Variants in STPG2 observed in about 807,000 individuals in gnomAD.
STPG2 encodes the protein sperm-tail PG-rich repeat-containing protein 2.
A neutral mutation model predicts 54.2 loss-of-function variants in STPG2; 56 were observed. The ratio of observed to expected loss-of-function variants is 1.03; its 90% CI spans 0.83 to 1.29. The LOEUF is 1.29. STPG2 is among the 50% of genes most tolerant of loss of function. STPG2 has a pLI of 0.00. For missense variants in STPG2, 596 were observed against 544.9 expected, an observed-to-expected ratio of 1.09 and a Z score of -0.93; for synonymous variants, 200 against 181.8, an observed-to-expected ratio of 1.10 and a Z score of -0.81.
downstream of STPG2, among the ~76,000 whole-genome samples, chr4:97,556,402 A>G (rs1459013500): frequency 1.3e-5 from 2 of 152,232 alleles, no homozygotes; most frequent in African/African-American, 4.8e-5. Context: ...TTATAAGAAA[A>G]TGTGTTAAAA....
intron 9 of STPG2, among the ~76,000 whole-genome samples, chr4:97,791,738 T>C (rs1251120564): frequency 6.6e-6 from 1 of 152,048 alleles, no homozygotes; most frequent in East Asian, 1.9e-4. Flanking sequence ...ATATAAAAAC[T>C]ATTTTATGAT....
intron 10 of STPG2, among the ~76,000 whole-genome samples, chr4:97,560,826 G>C (rs544358229): frequency 2.6e-5 from 4 of 152,082 alleles, no homozygotes; most frequent in Non-Finnish European, 2.9e-5. Context: ...TTGAGGGGAG[G>C]GGGGAACGAC....
intron 8 of STPG2, among the ~76,000 whole-genome samples, chr4:97,921,038 G>A (rs748546266): frequency 3.3e-5 from 5 of 152,168 alleles, no homozygotes; most frequent in African/African-American, 7.2e-5. Flanking sequence ...AGACATTACA[G>A]CACCTGGGTG....
chr4:97,545,652 C>G (rs1560653569), intron 4 of STPG2, among the ~76,000 whole-genome samples: 1 of 151,946 alleles, frequency 6.6e-6, no homozygotes, highest in Non-Finnish European at 1.5e-5. Flanking sequence ...CGTTAATGAT[C>G]TGGAAAGAAG....
intron 9 of STPG2, among the ~76,000 whole-genome samples, chr4:97,813,993 T>C (rs574177811): frequency 2.0e-5 from 3 of 152,028 alleles, no homozygotes; most frequent in African/African-American, 7.2e-5. Flanking sequence ...TTGCTTTCAG[T>C]AGAATGTACT....
At chr4:98,033,464 G>A (rs1736666568) in intron 5 of STPG2, among the ~76,000 whole-genome samples, 1 of 151,910 alleles carries the variant, frequency 6.6e-6, no homozygotes, top group Non-Finnish European at 1.5e-5. Flanking sequence ...GTAATTAATA[G>A]CCTACCAACC....
intron 8 of STPG2, among the ~76,000 whole-genome samples, chr4:97,880,508 T>A (rs977436311): frequency 2.6e-4 from 40 of 152,078 alleles, no homozygotes; most frequent in African/African-American, 9.2e-4. Flanking sequence ...TCAGAATTCC[T>A]GATTTCTAGT....
At chr4:98,023,152 C>T (rs1458626370) in intron 5 of STPG2, among the ~76,000 whole-genome samples, 3 of 152,134 alleles carry the variant, frequency 2.0e-5, no homozygotes, top group African/African-American at 7.2e-5. Context: ...GTGGTTTCAT[C>T]TACTTTTGGT....
intron 4 of STPG2, among the ~76,000 whole-genome samples, chr4:97,471,512 C>A (rs559516936): frequency 4.6e-5 from 7 of 152,106 alleles, no homozygotes; most frequent in Non-Finnish European, 8.8e-5. Context: ...GATTCTTGTA[C>A]ATGGTATACA....
At chr4:97,897,285 C>T (rs1730993551) in intron 8 of STPG2, among the ~76,000 whole-genome samples, 1 of 151,830 alleles carries the variant, frequency 6.6e-6, no homozygotes, top group Non-Finnish European at 1.5e-5. Context: ...ATACGTACCC[C>T]ATTTTTTATC....
At chr4:97,683,139 T>G (rs1157039066) in intron 10 of STPG2, among the ~76,000 whole-genome samples, 1 of 151,810 alleles carries the variant, frequency 6.6e-6, no homozygotes, top group Non-Finnish European at 1.5e-5. Flanking sequence ...CAGCAAGCAG[T>G]ATGGTCAAAA....
In STPG2 at chr4:97,591,568, A is replaced by G. The variant is rs1330431648; in HGVS notation, c.1321-32451T>C. On this transcript the variant is annotated intron_variant, in intron 10 of 10. Transcript: ENST00000295268. The stretch of plus-strand genomic sequence containing the variant: ...GGATAACCTGATTCTTCCACAGATC[A>G]CCACACTTGAAGGTGAAAAATGATG... Among the ~76,000 whole-genome samples, 4 of 152,314 alleles carry G rather than the reference A, an allele frequency of 2.6e-5. No individual in the cohort carries two copies. In the East Asian group the frequency reaches 7.7e-4, roughly 29 times the overall value.
chr4:97,840,379 C>T (rs1728761621), intron 9 of STPG2, among the ~76,000 whole-genome samples: 2 of 151,226 alleles, frequency 1.3e-5, no homozygotes, highest in Admixed American at 1.3e-4. Context: ...AGACATAACC[C>T]ACCCTCCCCC....
chr4:97,852,962 A>ATT (rs1729211257), intron 8 of STPG2, among the ~76,000 whole-genome samples: 6 of 109,586 alleles, frequency 5.5e-5, no homozygotes, highest in African/African-American at 1.9e-4. Flanking sequence ...AAATTAACAT[A>ATT]TTTTCTTTTT....
intron 8 of STPG2, among the ~76,000 whole-genome samples, chr4:97,925,889 T>C (rs968933246): frequency 3.3e-5 from 5 of 152,168 alleles, no homozygotes; most frequent in Non-Finnish European, 7.3e-5. Context: ...CTCTGCAAGC[T>C]TTCAAATTTT....
chr4:97,511,776 T>G (rs1730978375), intron 4 of STPG2, among the ~76,000 whole-genome samples: 1 of 151,978 alleles, frequency 6.6e-6, no homozygotes, highest in African/African-American at 2.4e-5. Context: ...AACAGAGCAA[T>G]TATGTAATTA....
At chr4:97,845,823 C>G (rs1423967498) in intron 8 of STPG2, among the ~76,000 whole-genome samples, 1 of 152,096 alleles carries the variant, frequency 6.6e-6, no homozygotes, top group Non-Finnish European at 1.5e-5. Flanking sequence ...AGAGACCTTC[C>G]TATGTAAATT....
chr4:97,859,174 G>C (rs1729426718), intron 8 of STPG2, among the ~76,000 whole-genome samples: 1 of 151,928 alleles, frequency 6.6e-6, no homozygotes, highest in Non-Finnish European at 1.5e-5. Flanking sequence ...TCATACGTTT[G>C]TTGGCTATTT....
intron 5 of STPG2, among the ~76,000 whole-genome samples, chr4:98,085,702 A>T (rs1418850256): frequency 6.6e-6 from 1 of 152,150 alleles, no homozygotes; most frequent in South Asian, 2.1e-4. Flanking sequence ...TATTGAAATC[A>T]ATTTATTTTT....
Sources: gnomAD v4.1 joint callset for allele counts (sites outside exome capture counted in the v4.1 genomes callset) on GRCh38, gnomAD v4.1.1 for gene constraint, MANE v1.5 for transcripts, NCBI Gene and HGNC (gene_info 2026-07-23, HGNC 2026-07-21) for gene names.